Variants in PTPRF observed in about 807,000 individuals in gnomAD.
PTPRF encodes receptor-type tyrosine-protein phosphatase F.
Under a neutral mutation model 201.8 loss-of-function variants are expected in PTPRF, and 59 were observed. The ratio of observed to expected loss-of-function variants is 0.29; its 90% CI spans 0.24 to 0.36. The LOEUF (loss-of-function observed/expected upper bound fraction) is 0.36, where lower values mean the gene tolerates loss of function less well. Ranked by LOEUF, PTPRF falls within the 10% of genes least tolerant of loss-of-function variation. The pLI is 1.00. For synonymous variants in PTPRF, 1,088 were observed against 1,089.7 expected, an observed-to-expected ratio of 1.00 and a Z score of 0.03; for missense variants, 2,132 against 2,690.5, an observed-to-expected ratio of 0.79 and a Z score of 4.59.
At chr1:43,578,771 C>A in intron 6 of PTPRF, 39 bp from the exon 7 acceptor site, 1 of 1,510,378 alleles carries the variant, frequency 6.6e-7, no homozygotes, top group Non-Finnish European at 9.1e-7. Flanking sequence ...CCACACTCGA[C>A]ATGGGCCGTG....
At position 43,576,933 on chromosome 1, in the gene PTPRF, G is replaced by A. The variant is rs189342882; in HGVS notation, c.569-1877G>A. On this transcript the variant is annotated intron_variant, in intron 6 of 33. Transcript: ENST00000359947. ...CCGGAGGCTGGCTCTTGCTTCACCT[G>A]GGAGCCCCCCAATCCCCCTGCCCAT... 2.6e-5 allele frequency among the ~76,000 whole-genome samples: 4 copies of A among 152,276 alleles called. No homozygotes were observed. The East Asian group carries it at 7.7e-4, about 29-fold the overall frequency.
intron 3 of PTPRF, among the ~76,000 whole-genome samples, chr1:43,545,852 C>A (rs1277134508): frequency 1.3e-5 from 2 of 152,192 alleles, no homozygotes; most frequent in Non-Finnish European, 2.9e-5. Flanking sequence ...AGATCCAACT[C>A]CGAACTTTGG....
rs113409998 is a variant in PTPRF, at chr1:43,545,846, C to A, written c.91+680C>A. 2.6e-5 allele frequency among the ~76,000 whole-genome samples: 4 copies of A among 152,304 alleles called. 1 individual carries two copies. Among genetic ancestry groups the A allele is most frequent in the African/African-American group, 9.6e-5 (4 of 41,564 alleles). On this transcript the variant is annotated intron_variant, in intron 3 of 33. Coordinates refer to ENST00000359947, the MANE Select transcript of PTPRF (RefSeq NM_002840.5). The stretch of plus-strand genomic sequence containing the variant: ...GAGGTGGAATTGTCCCCATCCAGAT[C>A]CAACTCCGAACTTTGGTCCCTTTCC...
At chr1:43,551,283 T>A (rs1406834806) in intron 3 of PTPRF, among the ~76,000 whole-genome samples, 1 of 150,148 alleles carries the variant, frequency 6.7e-6, no homozygotes, top group Non-Finnish European at 1.5e-5. Flanking sequence ...GAGTGCACGG[T>A]ATGGGGGTGG....
At chr1:43,573,231 C>CAGGG (rs1350898163) in intron 6 of PTPRF, among the ~76,000 whole-genome samples, 3 of 152,128 alleles carry the variant, frequency 2.0e-5, no homozygotes, top group Non-Finnish European at 4.4e-5. Context: ...GAGTTGTGAG[C>CAGGG]AGGGGCTCAG....
At chr1:43,586,122 A>G (rs1649079476) in intron 7 of PTPRF, among the ~76,000 whole-genome samples, 1 of 152,230 alleles carries the variant, frequency 6.6e-6, no homozygotes, top group Admixed American at 6.5e-5. Context: ...GTTTTAAAAC[A>G]GTTCCCTTGA....
chr1:43,558,265 G>A (rs1645531355), intron 5 of PTPRF, among the ~76,000 whole-genome samples: 2 of 152,166 alleles, frequency 1.3e-5, no homozygotes, highest in Admixed American at 1.3e-4. Flanking sequence ...CTCAGGTGAA[G>A]ATCAGTGTGC....
chr1:43,593,269 G>A (rs1651345594), intron 11 of PTPRF, among the ~76,000 whole-genome samples: 1 of 152,244 alleles, frequency 6.6e-6, no homozygotes, highest in African/African-American at 2.4e-5. Flanking sequence ...ATGAGTGTGA[G>A]TGTGTGACCA....
intron 6 of PTPRF, among the ~76,000 whole-genome samples, chr1:43,570,542 G>A (rs562499590): frequency 6.6e-6 from 1 of 152,274 alleles, no homozygotes; most frequent in Non-Finnish European, 1.5e-5. Context: ...AGGATGGCCA[G>A]TGCCGGCCAG....
chr1:43,615,551 C>CTTTTTTTT lies in PTPRF; in HGVS notation c.4071+1859_4072-1864dup, dbSNP rs68193223. Among the ~76,000 whole-genome samples the CTTTTTTTT allele has an allele frequency of 3.3e-3, 276 of 84,140 alleles. 19 individuals carry two copies. Among genetic ancestry groups the CTTTTTTTT allele is most frequent in the Non-Finnish European group, 3.8e-3 (173 of 45,880 alleles). 55.2% of individuals were successfully genotyped at this position (84,140 alleles called of 152,430 possible). On this transcript the variant is annotated intron_variant, in intron 23 of 33. Transcript: ENST00000359947. ...AGCCAGGACCCCATAGCTCTGTTGT[C>CTTTTTTTT]TTTTTTTTTTTTTTTTTTTTTTTTT...
chr1:43,603,505 G>A lies in PTPRF; in HGVS notation c.2430G>A (p.Lys810=). 1 of 1,614,142 alleles carries A rather than the reference G, an allele frequency of 6.2e-7. No homozygotes were observed. Among genetic ancestry groups the A allele is most frequent in the Non-Finnish European group, 8.5e-7 (1 of 1,180,014 alleles). ...YTTKGDGARS[K]PKIVTTTGAV... ...CCAAGGGGGATGGTGCCCGCAGCAA[G>A]CCCAAAATTGTCACTACAACAGGTG... Residue 810 remains lysine (K), a synonymous_variant, in exon 15 of 34, where the codon AAG becomes AAA. Coordinates refer to ENST00000359947, the MANE Select transcript of PTPRF (RefSeq NM_002840.5). The surrounding 1 kb of genome is among the most constrained non-coding windows in gnomAD (Gnocchi z 5.8).
At chr1:43,541,027 A>C (rs1365655032) in intron 2 of PTPRF, among the ~76,000 whole-genome samples, 2 of 152,240 alleles carry the variant, frequency 1.3e-5, no homozygotes, top group African/African-American at 4.8e-5. Context: ...CGCTGGTTAG[A>C]AGATGAACGG....
intron 7 of PTPRF, among the ~76,000 whole-genome samples, chr1:43,584,119 C>T (rs1173434202): frequency 1.3e-5 from 2 of 152,162 alleles, no homozygotes; most frequent in Admixed American, 6.5e-5. Flanking sequence ...GCCAGACCCC[C>T]ACCACTGATG....
chr1:43,581,540 C>G (rs1647628436), intron 7 of PTPRF, among the ~76,000 whole-genome samples: 1 of 152,246 alleles, frequency 6.6e-6, no homozygotes, highest in African/African-American at 2.4e-5. Flanking sequence ...AGGCCCTGCT[C>G]CCTGGGTGCC....
chr1:43,585,291 G>A (rs1225339224), intron 7 of PTPRF, among the ~76,000 whole-genome samples: 1 of 152,212 alleles, frequency 6.6e-6, no homozygotes, highest in Non-Finnish European at 1.5e-5. Context: ...GGCTGTCTGG[G>A]CAGGTCTAGG....
chr1:43,620,512 T>C lies in PTPRF; in HGVS notation c.5297T>C (p.Val1766Ala), dbSNP rs1323663408. 6.2e-7 allele frequency: 1 copy of C among 1,613,938 alleles called. No individual in the cohort carries two copies. Among genetic ancestry groups the C allele is most frequent in the South Asian group, 1.1e-5 (1 of 91,082 alleles). Residue 1766 changes from valine to alanine, a missense_variant, in exon 31 of 34, where the codon GTT (valine) becomes GCT (alanine). Physicochemically the swap from Val to Ala is moderately conservative, Grantham distance 64. This residue lies in a region of PTPRF where 519 missense variants were observed against 659.5 expected (regional missense o/e 0.79). Transcript: ENST00000359947. ...TCTGCTCGCTACCAGTACTTTGTTG[T>C]TGACCCGATGGCTGAGTACAACATG... Reference protein sequence around the residue: ...ERSARYQYFVVDPMAEYNMPQ... With the variant: ...ERSARYQYFVADPMAEYNMPQ...
Position 43,617,366 on chromosome 1 carries a change from G to C in PTPRF, c.4072-79G>C, listed in dbSNP as rs566559691. 60 of 1,581,528 alleles carry C rather than the reference G, an allele frequency of 3.8e-5. No individual in the cohort carries two copies. The East Asian group carries it at 1.3e-3, about 33-fold the overall frequency. Reference sequence around the variant, plus strand: ...GAAGGCAGGATGTGAGCATCACCGGGAAGGCTGGGTCCCCTGCAGGAGAAG... The same window carrying C: ...GAAGGCAGGATGTGAGCATCACCGGCAAGGCTGGGTCCCCTGCAGGAGAAG... On this transcript the variant is annotated intron_variant, in intron 23 of 33. Transcript: ENST00000359947.
At position 43,588,987 on chromosome 1, in the gene PTPRF, G is replaced by A; in HGVS notation, c.936G>A (p.Gln312=). The A allele has an allele frequency of 6.4e-7, 1 of 1,555,028 alleles. No individual in the cohort carries two copies. The highest frequency in any genetic ancestry group is 8.7e-7 in the Non-Finnish European group (1 of 1,144,826). Residue 312 remains glutamine, a synonymous_variant, in exon 8 of 34, where the codon CAG becomes CAA. Transcript: ENST00000359947. This position sits in a 1 kb window ranked among gnomAD's most constrained non-coding sequence, Gnocchi z 5.3. The part of the protein sequence containing the change: ...SSLGMIEATA[Q]VTVKALPKPP... ...TGGGCATGATCGAGGCCACAGCCCA[G>A]GTCACAGTGAAAGGTGAGTGTGGCA...
At chr1:43,531,320 C>G (rs1241636406) in intron 1 of PTPRF, among the ~76,000 whole-genome samples, 7 of 148,698 alleles carry the variant, frequency 4.7e-5, no homozygotes, top group Non-Finnish European at 9.0e-5. Flanking sequence ...GCAGACGCGC[C>G]CCCAGCGCTG....
Sources: allele counts gnomAD v4.1 joint callset (sites outside exome capture counted in the v4.1 genomes callset), GRCh38; gene constraint gnomAD v4.1.1; regional missense constraint gnomAD v4.1.1; non-coding constraint Gnocchi (gnomAD v3.1); transcripts MANE v1.5; gene names NCBI Gene and HGNC (gene_info 2026-07-23, HGNC 2026-07-21).